The following NLK variants were observed in gnomAD, a reference collection of about 807,000 sequenced individuals.
The protein encoded by NLK is nemo like kinase.
NLK carries 11 observed loss-of-function variants against 59.0 expected under a neutral mutation model. That is an observed-to-expected ratio of 0.19 (90% CI 0.12 to 0.31). The LOEUF is 0.31. Ranked by LOEUF, NLK falls within the 10% of genes least tolerant of loss-of-function variation. The probability of loss-of-function intolerance (pLI) is 1.00; values close to 1 mark genes in which losing one functional copy is unlikely to be tolerated. For synonymous variants in NLK, 235 were observed against 235.9 expected (o/e 1.00, Z 0.03); for missense variants, 410 against 661.1 (o/e 0.62, Z 4.16).
chr17:28,092,997 A>G (rs1322478836), intron 1 of NLK, among the ~76,000 whole-genome samples: 2 of 151,814 alleles, frequency 1.3e-5, no homozygotes, highest in Non-Finnish European at 2.9e-5. Context: ...GTTTCACCAC[A>G]TTAACCAGGA....
At chr17:28,114,530 A>T (rs1456192215) in intron 1 of NLK, among the ~76,000 whole-genome samples, 1 of 152,204 alleles carries the variant, frequency 6.6e-6, no homozygotes, top group East Asian at 1.9e-4. Context: ...CTCTTAATGT[A>T]GATATGAAAA....
At chr17:28,111,896 G>GTGTGTGTGTGTGTGGT (rs1394476582) in intron 1 of NLK, among the ~76,000 whole-genome samples, 1 of 67,484 alleles carries the variant, frequency 1.5e-5, no homozygotes, top group Non-Finnish European at 2.7e-5. Context: ...GTGTGTGTGT[G>GTGTGTGTGTGTGTGGT]GTGTGTGTGT....
At chr17:28,156,409 G>A (rs900820146) in intron 3 of NLK, among the ~76,000 whole-genome samples, 1 of 152,122 alleles carries the variant, frequency 6.6e-6, no homozygotes, top group African/African-American at 2.4e-5. Flanking sequence ...AATAAAATTA[G>A]CTAATTCCTT....
chr17:28,122,429 T>G (rs1050075240), intron 1 of NLK, among the ~76,000 whole-genome samples, 174 bp from the exon 2 acceptor site: 3 of 152,198 alleles, frequency 2.0e-5, no homozygotes, highest in Non-Finnish European at 2.9e-5. Context: ...TTCTCTTTAA[T>G]TATAGATATG....
intron 1 of NLK, among the ~76,000 whole-genome samples, chr17:28,121,475 A>G (rs1233525978): frequency 1.2e-5 from 1 of 80,010 alleles, no homozygotes; most frequent in Non-Finnish European, 2.7e-5. Context: ...ATTTATTGGT[A>G]TTTCTTTTTT....
chr17:28,193,166 A>G (rs1218439967), intron 10 of NLK, among the ~76,000 whole-genome samples: 1 of 152,270 alleles, frequency 6.6e-6, no homozygotes, highest in Non-Finnish European at 1.5e-5. Flanking sequence ...GCTAAAAGGC[A>G]TAAAAGAGGA....
At chr17:28,205,212 G>A in the NLK span, among the ~76,000 whole-genome samples, 1 of 152,228 alleles carries the variant, frequency 6.6e-6, no homozygotes, top group Non-Finnish European at 1.5e-5. Flanking sequence ...TGAAGACTAA[G>A]ATAATATGTG....
chr17:28,199,552 G>A (rs895840661), downstream of NLK, among the ~76,000 whole-genome samples: 5 of 151,396 alleles, frequency 3.3e-5, no homozygotes, highest in African/African-American at 1.2e-4. Context: ...TATAGTTCCA[G>A]CTACTCAGAA....
intron 2 of NLK, among the ~76,000 whole-genome samples, chr17:28,125,753 C>T (rs1906264463): frequency 6.6e-6 from 1 of 152,040 alleles, no homozygotes; most frequent in Admixed American, 6.6e-5. Flanking sequence ...TTTATTGTGT[C>T]CTATGTAAGG....
chr17:28,058,091 A>G (rs2142742885), intron 1 of NLK, among the ~76,000 whole-genome samples: 1 of 152,324 alleles, frequency 6.6e-6, no homozygotes, highest in East Asian at 1.9e-4. Flanking sequence ...CAACCCAGCT[A>G]TTTCACTACA....
At chr17:28,203,061 CAGAGA>C in the NLK span, among the ~76,000 whole-genome samples, 1 of 152,032 alleles carries the variant, frequency 6.6e-6, no homozygotes, top group Non-Finnish European at 1.5e-5. Flanking sequence ...CAGGAAGACA[CAGAGA>C]AAAGAAAGCT....
intron 1 of NLK, among the ~76,000 whole-genome samples, chr17:28,099,299 C>T (rs1262892785): frequency 6.6e-6 from 1 of 151,978 alleles, no homozygotes; most frequent in East Asian, 1.9e-4. Context: ...ACAAAATTCA[C>T]CTATCTGTGA....
intron 6 of NLK, chr17:28,171,280 AAG>A (rs1453904281): frequency 2.0e-5 from 3 of 152,230 alleles, no homozygotes; most frequent in Non-Finnish European, 2.9e-5. Flanking sequence ...TGGTTTAGAT[AAG>A]TGCAGAAAAT....
At chr17:28,184,560 A>AG (rs1366846827) in intron 7 of NLK, among the ~76,000 whole-genome samples, 1 of 152,232 alleles carries the variant, frequency 6.6e-6, no homozygotes, top group East Asian at 1.9e-4. Flanking sequence ...TTTAAAAAAA[A>AG]AGATGGCTAG....
the NLK span, among the ~76,000 whole-genome samples, chr17:28,202,966 G>A: frequency 6.6e-6 from 1 of 151,946 alleles, no homozygotes; most frequent in Admixed American, 6.6e-5. Context: ...ACAGGCATAA[G>A]CCACTGCGCC....
At chr17:28,049,452 A>G (rs1173244569) in intron 1 of NLK, among the ~76,000 whole-genome samples, 2 of 152,158 alleles carry the variant, frequency 1.3e-5, no homozygotes, top group Non-Finnish European at 2.9e-5. Flanking sequence ...GCAAGCACCA[A>G]ATGGGGATAT....
rs148610063 is a variant in NLK at position 28,095,939 on chromosome 17, T to C, written c.459-26664T>C. ...TTGTGTGTTCTAACTGTTGCACTTA[T>C]ATTAAAATCATAAAACCAGAATGGA... On this transcript the variant is annotated intron_variant, in intron 1 of 10. Coordinates refer to ENST00000407008, the MANE Select transcript of NLK (RefSeq NM_016231.5). 2.5e-3 allele frequency among the ~76,000 whole-genome samples: 387 copies of C among 152,344 alleles called. 4 individuals carry two copies. Among genetic ancestry groups the C allele is most frequent in the African/African-American group, 8.6e-3 (356 of 41,580 alleles).
At chr17:28,180,134 G>A (rs759034632) in intron 7 of NLK, among the ~76,000 whole-genome samples, 10 of 152,096 alleles carry the variant, frequency 6.6e-5, no homozygotes, top group African/African-American at 2.4e-4. Context: ...CACAGAAAAG[G>A]AGAAAGTATG....
At chr17:28,089,398 A>C (rs1316897969) in intron 1 of NLK, among the ~76,000 whole-genome samples, 1 of 151,808 alleles carries the variant, frequency 6.6e-6, no homozygotes, top group Non-Finnish European at 1.5e-5. Context: ...TGTTGCATGA[A>C]TTAATAGTTC....
Sources: gnomAD v4.1 joint callset for allele counts (sites outside exome capture counted in the v4.1 genomes callset) on GRCh38, gnomAD v4.1.1 for gene constraint, MANE v1.5 for transcripts, NCBI Gene and HGNC (gene_info 2026-07-23, HGNC 2026-07-21) for gene names.